Variants in GON4L observed in about 807,000 individuals in gnomAD.
The protein encoded by GON4L is gon-4 like.
A neutral mutation model predicts 211.8 loss-of-function variants in GON4L; 87 were observed. The ratio of observed to expected loss-of-function variants is 0.41; its 90% CI spans 0.35 to 0.49. The LOEUF is 0.49. Ranked by LOEUF, GON4L falls within the 20% of genes least tolerant of loss-of-function variation. The pLI is 0.15. For missense variants in GON4L, 2,155 were observed against 2,659.5 expected (o/e 0.81, Z 4.17); for synonymous variants, 875 against 962.6 (o/e 0.91, Z 1.68).
chr1:155,821,484 A>C lies in GON4L; in HGVS notation c.953T>G (p.Met318Arg), dbSNP rs1387951249. 6.3e-7 allele frequency: 1 copy of C among 1,583,060 alleles called. No individual in the cohort carries two copies. The highest frequency in any genetic ancestry group is 1.3e-5 in the African/African-American group (1 of 74,316). The change falls in exon 5 of 32, where the codon ATG becomes AGG. Residue 318 changes from methionine (M) to arginine (R), a missense_variant. Met to Arg is a moderately conservative substitution (Grantham distance 91). Around this residue, in one of 6 missense-constraint regions of GON4L, gnomAD observed 551 missense variants for 854.0 expected, o/e 0.65. Coordinates refer to ENST00000368331, the MANE Select transcript of GON4L (RefSeq NM_001282860.2). The part of the protein sequence containing the change: ...MKAAISETED[M>R]PMFEPKMTRS... ...TAATCAACTACTCACAAACATTGGC[A>C]TATCTTCCGTCTCACTGATGGCTGC...
At chr1:155,786,281 A>C (rs1001896755) in intron 12 of GON4L, among the ~76,000 whole-genome samples, 12 of 152,140 alleles carry the variant, frequency 7.9e-5, no homozygotes, top group African/African-American at 2.7e-4. Flanking sequence ...ATGATTTTAT[A>C]ATTAGATGAC....
intron 2 of GON4L, 31 bp downstream of exon 2, chr1:155,853,245 G>A: frequency 1.9e-6 from 3 of 1,585,198 alleles, no homozygotes; most frequent in Non-Finnish European, 2.6e-6. Context: ...GTATTGACAA[G>A]AATGTAACCT....
At chr1:155,752,730 C>T (rs1401860140) in intron 29 of GON4L, 140 bp from the exon 30 acceptor site, 25 of 1,348,360 alleles carry the variant, frequency 1.9e-5, no homozygotes, top group Admixed American at 2.1e-5. Context: ...CTATAATGTC[C>T]GCACTTTGGG....
At chr1:155,817,562 T>A (rs2764400) in intron 6 of GON4L, among the ~76,000 whole-genome samples, 7,473 of 152,256 alleles carry the variant, frequency 0.049, 254 homozygotes, top group Middle Eastern at 0.13. Context: ...TCCTACCTAC[T>A]GCCAAATCCA....
In GON4L at chr1:155,752,589, T is replaced by C. The variant is rs765917073; in HGVS notation, c.5844A>G (p.Ala1948=). The C allele has an allele frequency of 6.3e-7, 1 of 1,579,392 alleles. No homozygotes were observed. The highest frequency in any genetic ancestry group is 1.9e-5 in the Admixed American group (1 of 53,442). ...GCAAAGTGCTCCCCACTGCCAATCC[T>C]GCTTAGGAGGAAAATAAGGATCTCA... ...TTRKGEMPVS[A]GLAVGSTLPS... Residue 1948 remains alanine (A), a splice_region_variant and synonymous_variant, in exon 30 of 32, where the codon GCA becomes GCG. Transcript: ENST00000368331.
chr1:155,788,736 A>G (rs1665204456), intron 12 of GON4L, among the ~76,000 whole-genome samples: 1 of 152,174 alleles, frequency 6.6e-6, no homozygotes, highest in South Asian at 2.1e-4. Context: ...TTACACACAA[A>G]GCACATCCTA....
chr1:155,829,075 C>A (rs1229121293), intron 2 of GON4L, among the ~76,000 whole-genome samples: 1 of 152,136 alleles, frequency 6.6e-6, no homozygotes, highest in Admixed American at 6.5e-5. Flanking sequence ...ATACTTGGGT[C>A]TCACTCTGTC....
intron 10 of GON4L, among the ~76,000 whole-genome samples, chr1:155,809,632 TTATA>T (rs1417944650): frequency 2.5e-4 from 21 of 82,786 alleles, no homozygotes; most frequent in African/African-American, 1.1e-3. Flanking sequence ...TACTTATAAA[TTATA>T]TACTTATATA....
intron 2 of GON4L, chr1:155,845,457 A>C (rs2102444525): frequency 2.9e-6 from 1 of 348,152 alleles, no homozygotes; most frequent in East Asian, 8.8e-5. Flanking sequence ...AGAATCAGCA[A>C]GGTTGGAAAC....
chr1:155,767,032 C>T, intron 20 of GON4L: 1 of 553,654 alleles, frequency 1.8e-6, no homozygotes, highest in South Asian at 2.1e-5. Flanking sequence ...GAGCAAGACT[C>T]TGTCTCAAAA....
At chr1:155,793,759 C>T (rs1413613122) in intron 12 of GON4L, among the ~76,000 whole-genome samples, 1 of 152,030 alleles carries the variant, frequency 6.6e-6, no homozygotes, top group Non-Finnish European at 1.5e-5. Flanking sequence ...CAGGTACGTG[C>T]CAATACATTA....
rs199850546 is a variant in GON4L at position 155,765,429 on chromosome 1, G to C, written c.4044C>G (p.Ile1348Met). 2.5e-5 allele frequency: 40 copies of C among 1,614,120 alleles called. No homozygotes were observed. The East Asian group carries it at 8.2e-4, about 33-fold the overall frequency. ...GSPERDICDD[I>M]KVEHAVELDT... is the part of the protein sequence containing the mutation. ...CCAATTCCACAGCATGTTCCACTTT[G>C]ATGTCATCACAAATATCACGCTCAG... The change falls in exon 21 of 32, where the codon ATC becomes ATG. Residue 1348 changes from isoleucine to methionine, a missense_variant. Transcript: ENST00000368331.
chr1:155,773,533 T>G (rs1663432187), intron 17 of GON4L: 1 of 288,294 alleles, frequency 3.5e-6, no homozygotes, highest in Non-Finnish European at 6.6e-6. Flanking sequence ...TTTTACCTCC[T>G]TCCCCCCTTA....
At chr1:155,767,151 CA>C in intron 20 of GON4L, 1 of 758,464 alleles carries the variant, frequency 1.3e-6, no homozygotes, top group South Asian at 1.9e-5. Context: ...GGTCTCTCTG[CA>C]TATCAAATCT....
intron 11 of GON4L, among the ~76,000 whole-genome samples, chr1:155,799,093 T>C (rs970783824): frequency 6.6e-6 from 1 of 152,178 alleles, no homozygotes; most frequent in Admixed American, 6.5e-5. Context: ...ATCCTAATCA[T>C]TGGCTTTGTG....
At chr1:155,852,780 G>A (rs1488098319) in intron 2 of GON4L, among the ~76,000 whole-genome samples, 1 of 151,880 alleles carries the variant, frequency 6.6e-6, no homozygotes, top group Admixed American at 6.6e-5. Context: ...AGTGGATATA[G>A]CGAATGGGAG....
chr1:155,848,045 T>C (rs182135150), intron 2 of GON4L, among the ~76,000 whole-genome samples: 243 of 152,150 alleles, frequency 1.6e-3, no homozygotes, highest in South Asian at 8.9e-3. Flanking sequence ...TTCTAGAAAA[T>C]TGATGAATAA....
intron 2 of GON4L, among the ~76,000 whole-genome samples, chr1:155,850,346 C>T (rs1294738545): frequency 6.6e-6 from 1 of 151,984 alleles, no homozygotes; most frequent in South Asian, 2.1e-4. Flanking sequence ...CAAAAAAAAC[C>T]GCTATTCCTG....
At chr1:155,805,263 AT>A in intron 10 of GON4L, 122 bp from the exon 11 acceptor site, 3 of 708,688 alleles carry the variant, frequency 4.2e-6, no homozygotes, top group Non-Finnish European at 7.6e-6. Context: ...TGGATTTATT[AT>A]TGTTTGAGAA....
Sources: gnomAD v4.1 joint callset for allele counts (sites outside exome capture counted in the v4.1 genomes callset) on GRCh38, gnomAD v4.1.1 for gene constraint, gnomAD v4.1.1 regional missense constraint, MANE v1.5 for transcripts, NCBI Gene and HGNC (gene_info 2026-07-23, HGNC 2026-07-21) for gene names.